Variants in LINGO2 observed in about 807,000 individuals in gnomAD.
LINGO2 encodes leucine rich repeat and Ig domain containing 2.
A neutral mutation model predicts 30.6 loss-of-function variants in LINGO2; 14 were observed. The observed-to-expected ratio is 0.46, with a 90% confidence interval of 0.30 to 0.72. The LOEUF (loss-of-function observed/expected upper bound fraction) is 0.72, where lower values mean the gene tolerates loss of function less well. Among genes scored for constraint, LINGO2 ranks in the 30% least tolerant of loss-of-function variants. LINGO2 has a pLI of 0.07. For missense variants in LINGO2, 729 were observed against 751.7 expected (o/e 0.97, Z 0.35); for synonymous variants, 317 against 288.5 (o/e 1.10, Z -1.00).
At chr9:28,283,376 T>C (rs1313597853) in intron 4 of LINGO2, among the ~76,000 whole-genome samples, 1 of 152,136 alleles carries the variant, frequency 6.6e-6, no homozygotes, top group Non-Finnish European at 1.5e-5. Context: ...ATATCACTAG[T>C]AGCAATGGGG....
the LINGO2 span, among the ~76,000 whole-genome samples, chr9:29,092,473 T>C: frequency 3.3e-5 from 5 of 152,190 alleles, no homozygotes; most frequent in South Asian, 1.0e-3. Flanking sequence ...TGAAATTGGT[T>C]AATACTTACC....
At chr9:28,359,654 A>G (rs989868240) in intron 3 of LINGO2, among the ~76,000 whole-genome samples, 1 of 152,208 alleles carries the variant, frequency 6.6e-6, no homozygotes, top group Admixed American at 6.5e-5. Context: ...ACAAATAAGC[A>G]GCTGTTTTTT....
At chr9:28,056,370 A>G (rs889057713) in intron 4 of LINGO2, among the ~76,000 whole-genome samples, 8 of 152,168 alleles carry the variant, frequency 5.3e-5, no homozygotes, top group Non-Finnish European at 1.2e-4. Context: ...CCAGTGGTAT[A>G]TTCAGTAGAT....
At chr9:29,067,667 C>A in the LINGO2 span, among the ~76,000 whole-genome samples, 1 of 147,518 alleles carries the variant, frequency 6.8e-6, no homozygotes, top group African/African-American at 2.5e-5. Context: ...GGAAAATGAA[C>A]AATCATAGTC....
chr9:28,501,278 GTTCT>G (rs1373643580), intron 1 of LINGO2, among the ~76,000 whole-genome samples: 3 of 152,098 alleles, frequency 2.0e-5, no homozygotes, highest in African/African-American at 7.2e-5. Flanking sequence ...AGCATGCTGC[GTTCT>G]TTGTTTTATT....
chr9:28,610,703 T>C (rs1825878664), intron 1 of LINGO2, among the ~76,000 whole-genome samples: 1 of 152,114 alleles, frequency 6.6e-6, no homozygotes, highest in Non-Finnish European at 1.5e-5. Flanking sequence ...TTTCTATCAT[T>C]TATAAATAAA....
intron 5 of LINGO2, among the ~76,000 whole-genome samples, chr9:27,983,087 C>T (rs545631623): frequency 2.2e-4 from 34 of 151,826 alleles, no homozygotes; most frequent in African/African-American, 7.5e-4. Context: ...CATTTTCATA[C>T]GTCCTAATCT....
rs540002034 is a variant in LINGO2, at chr9:28,386,338, C to T, written c.-278-13470G>A. ...AAGACACTAAATACTAAAAGAGAGA[C>T]CCCTGTCTTTGTGTGGGGGCGGGTG... On this transcript the variant is annotated intron_variant, in intron 2 of 5. Coordinates refer to ENST00000379992, the Ensembl canonical transcript of LINGO2. Among the ~76,000 whole-genome samples, 24 of 152,266 alleles carry T rather than the reference C, an allele frequency of 1.6e-4. 1 individual carries two copies. The highest frequency in any genetic ancestry group is 9.2e-4 in the Admixed American group (14 of 15,284).
intron 4 of LINGO2, among the ~76,000 whole-genome samples, chr9:28,175,659 T>A (rs1828730379): frequency 6.6e-6 from 1 of 152,194 alleles, no homozygotes; most frequent in Admixed American, 6.5e-5. Flanking sequence ...AGGAACAGTC[T>A]CACTGGGACC....
intron 1 of LINGO2, among the ~76,000 whole-genome samples, chr9:28,581,968 G>A (rs947507765): frequency 6.6e-6 from 1 of 151,808 alleles, no homozygotes; most frequent in Non-Finnish European, 1.5e-5. Flanking sequence ...ATAAACACAT[G>A]AACATTATCT....
At chr9:29,190,163 G>A in the LINGO2 span, among the ~76,000 whole-genome samples, 1 of 152,058 alleles carries the variant, frequency 6.6e-6, no homozygotes, top group African/African-American at 2.4e-5. Context: ...ATTTAAAAAT[G>A]TTTCTTCTTT....
At chr9:28,462,341 C>A (rs1182257109) in intron 2 of LINGO2, among the ~76,000 whole-genome samples, 2 of 148,428 alleles carry the variant, frequency 1.3e-5, no homozygotes, top group Non-Finnish European at 3.0e-5. Flanking sequence ...AAAACAAAAA[C>A]CAATGCCCTT....
upstream of LINGO2, among the ~76,000 whole-genome samples, chr9:28,672,782 T>G (rs549106993): frequency 2.0e-5 from 3 of 152,258 alleles, no homozygotes; most frequent in South Asian, 6.2e-4. Flanking sequence ...ATCTTTTGTT[T>G]ATGATCATAT....
At chr9:28,837,230 C>A in the LINGO2 span, among the ~76,000 whole-genome samples, 1 of 152,088 alleles carries the variant, frequency 6.6e-6, no homozygotes, top group Non-Finnish European at 1.5e-5. Context: ...ATCCATTCTT[C>A]CAAGATCAGG....
At chr9:28,610,713 A>G (rs1246348503) in intron 1 of LINGO2, among the ~76,000 whole-genome samples, 1 of 152,112 alleles carries the variant, frequency 6.6e-6, no homozygotes, top group Non-Finnish European at 1.5e-5. Flanking sequence ...TTATAAATAA[A>G]CCAGGCTCAG....
chr9:29,121,638 C>G, the LINGO2 span, among the ~76,000 whole-genome samples: 10 of 151,504 alleles, frequency 6.6e-5, no homozygotes, highest in Non-Finnish European at 1.2e-4. Flanking sequence ...TAAAATTTAC[C>G]AGAAATTAAG....
intron 4 of LINGO2, among the ~76,000 whole-genome samples, chr9:28,280,664 G>A (rs1207505943): frequency 6.6e-6 from 1 of 152,052 alleles, no homozygotes; most frequent in African/African-American, 2.4e-5. Context: ...TACTCTGAAT[G>A]GTTGGTTATG....
the LINGO2 span, among the ~76,000 whole-genome samples, chr9:28,939,518 T>G: frequency 6.6e-6 from 1 of 152,184 alleles, no homozygotes; most frequent in Non-Finnish European, 1.5e-5. Context: ...CTAAAAATAC[T>G]TATTCTTCTA....
intron 1 of LINGO2, among the ~76,000 whole-genome samples, chr9:28,662,665 T>C (rs1828626471): frequency 6.6e-6 from 1 of 152,222 alleles, no homozygotes; most frequent in Non-Finnish European, 1.5e-5. Flanking sequence ...TTTCTTCATT[T>C]GCAGAATGGG....
Sources: gnomAD v4.1 joint callset for allele counts (sites outside exome capture counted in the v4.1 genomes callset) on GRCh38, gnomAD v4.1.1 for gene constraint, MANE v1.5 for transcripts, NCBI Gene and HGNC (gene_info 2026-07-23, HGNC 2026-07-21) for gene names.